RGSL1: variants seen among roughly 807,000 people sequenced by gnomAD.
The protein encoded by RGSL1 is regulator of G protein signaling like 1, also known as regulator of G protein signaling protein-like.
In RGSL1, 97 loss-of-function variants were observed where a neutral mutation model predicts 124.7. That is an observed-to-expected ratio of 0.78 (90% CI 0.66 to 0.92). RGSL1 has a LOEUF of 0.92. RGSL1 is among the 40% of genes least tolerant of loss of function. The pLI, the probability that RGSL1 is intolerant of heterozygous loss-of-function variation, is 0.00. For missense variants in RGSL1, 1,233 were observed against 1,288.4 expected (o/e 0.96, Z 0.66); for synonymous variants, 424 against 438.1 (o/e 0.97, Z 0.40).
At chr1:182,452,139 T>C (rs1198392288) in intron 1 of RGSL1, among the ~76,000 whole-genome samples, 3 of 152,018 alleles carry the variant, frequency 2.0e-5, no homozygotes, top group Admixed American at 6.6e-5. Flanking sequence ...AAGGAGCAGG[T>C]TGGGAGGCCT....
At chr1:182,459,881 C>T (rs919195778) in intron 3 of RGSL1, 123 bp from the exon 4 acceptor site, 1 of 1,190,214 alleles carries the variant, frequency 8.4e-7, no homozygotes, top group African/African-American at 1.6e-5. Flanking sequence ...TTTTAATCAA[C>T]ACACCTATCC....
chr1:182,458,674 T>C (rs371258750), intron 3 of RGSL1, among the ~76,000 whole-genome samples: 4 of 152,110 alleles, frequency 2.6e-5, no homozygotes, highest in East Asian at 1.9e-4. Context: ...AGTTTCACCA[T>C]GTTGCCCAGG....
At chr1:182,525,499 G>A (rs1354698802) in intron 10 of RGSL1, among the ~76,000 whole-genome samples, 1 of 152,008 alleles carries the variant, frequency 6.6e-6, no homozygotes, top group Non-Finnish European at 1.5e-5. Flanking sequence ...TAACTGAAAT[G>A]AAAAATTTAC....
chr1:182,493,191 C>T, intron 9 of RGSL1, 62 bp downstream of exon 9: 1 of 1,149,862 alleles, frequency 8.7e-7, no homozygotes, highest in Non-Finnish European at 1.3e-6. Context: ...AAGAGAAAAT[C>T]TGTAATCTTG....
intron 14 of RGSL1, among the ~76,000 whole-genome samples, chr1:182,538,538 A>C (rs1659692316): frequency 6.6e-6 from 1 of 152,176 alleles, no homozygotes; most frequent in Non-Finnish European, 1.5e-5. Context: ...AAAAAAAAAA[A>C]AAATTCAGCA....
chr1:182,546,579 G>A lies in RGSL1; in HGVS notation c.2670-1738G>A, dbSNP rs149249132. On this transcript the variant is annotated intron_variant, in intron 15 of 21. Coordinates refer to ENST00000294854, the MANE Select transcript of RGSL1 (RefSeq NM_001137669.2). ...CAGCTAATTTTTGTATTTTTAGTAG[G>A]GATGTGGTTTCACCATGTTGGCCAG... is the stretch of plus-strand genomic sequence containing the variant. Among the ~76,000 whole-genome samples, 1,052 of 151,976 alleles carry A rather than the reference G, an allele frequency of 6.9e-3. 14 individuals carry two copies. The highest frequency in any genetic ancestry group is 0.024 in the African/African-American group (994 of 41,460).
In RGSL1 at chr1:182,518,549, A is replaced by G. The variant is rs1267548401; in HGVS notation, c.1826-3455A>G. Among the ~76,000 whole-genome samples the G allele has an allele frequency of 4.6e-5, 7 of 152,306 alleles. No individual in the cohort carries two copies. In the East Asian group the frequency reaches 1.2e-3, roughly 25 times the overall value. Reference sequence around the variant, plus strand: ...CCACTTACCCGCTTTGCCTCTCCTCAGGAACAAATTTCCCTTCAGGCACTC... The same window carrying G: ...CCACTTACCCGCTTTGCCTCTCCTCGGGAACAAATTTCCCTTCAGGCACTC... On this transcript the variant is annotated intron_variant, in intron 9 of 21. Coordinates refer to ENST00000294854, the MANE Select transcript of RGSL1 (RefSeq NM_001137669.2).
intron 9 of RGSL1, among the ~76,000 whole-genome samples, chr1:182,500,228 T>C (rs528949944): frequency 5.4e-4 from 83 of 152,316 alleles, no homozygotes; most frequent in Non-Finnish European, 1.0e-3. Context: ...TCTTTTGTGG[T>C]TGAATAGCCA....
chr1:182,540,880 T>C (rs1000310684), intron 15 of RGSL1, among the ~76,000 whole-genome samples: 1 of 152,210 alleles, frequency 6.6e-6, no homozygotes, highest in Non-Finnish European at 1.5e-5. Flanking sequence ...AAATTTTTTA[T>C]GTAAAGCCAA....
intron 15 of RGSL1, among the ~76,000 whole-genome samples, chr1:182,546,307 G>A (rs556767094): frequency 1.8e-4 from 27 of 151,294 alleles, no homozygotes; most frequent in South Asian, 1.2e-3. Flanking sequence ...AGAATTTAAA[G>A]ATTACTGTGA....
At chr1:182,530,382 A>G (rs1659080466) in intron 12 of RGSL1, 21 bp downstream of exon 12, 1 of 1,529,344 alleles carries the variant, frequency 6.5e-7, no homozygotes, top group Admixed American at 2.0e-5. Context: ...TCAATTAAGG[A>G]AAGGATTCTT....
At chr1:182,528,608 T>C (rs940509335) in intron 11 of RGSL1, among the ~76,000 whole-genome samples, 1 of 152,162 alleles carries the variant, frequency 6.6e-6, no homozygotes, top group Non-Finnish European at 1.5e-5. Context: ...AAGTCCAGAA[T>C]CCAGTAGGGC....
chr1:182,483,548 A>G (rs590026), intron 6 of RGSL1, among the ~76,000 whole-genome samples: 11,914 of 152,246 alleles, frequency 0.078, 643 homozygotes, highest in East Asian at 0.25. Context: ...TCTATGACAT[A>G]CACATAAAAT....
In RGSL1 at chr1:182,489,042, C is replaced by T. The variant is rs777449126; in HGVS notation, c.1557C>T (p.Asn519=). Residue 519 remains asparagine, a synonymous_variant, in exon 8 of 22, where the codon AAC becomes AAT. Transcript: ENST00000294854. ...HKREFIGKEE[N]ILLYKRIQQS... The stretch of plus-strand genomic sequence containing the variant: ...GAGAATTTATAGGCAAAGAAGAGAA[C>T]ATTCTTCTTTATAAGAGGATTCAGC... The T allele has an allele frequency of 2.2e-5, 34 of 1,551,496 alleles. No individual in the cohort carries two copies. The highest frequency in any genetic ancestry group is 2.7e-5 in the African/African-American group (2 of 73,034).
chr1:182,513,002 C>T (rs1016162349), intron 9 of RGSL1, among the ~76,000 whole-genome samples: 4 of 152,172 alleles, frequency 2.6e-5, no homozygotes, highest in Non-Finnish European at 4.4e-5. Context: ...GGGCACAGGA[C>T]GGGGTGGGGC....
At chr1:182,462,939 A>G (rs1652964917) in intron 4 of RGSL1, among the ~76,000 whole-genome samples, 1 of 152,228 alleles carries the variant, frequency 6.6e-6, no homozygotes, top group African/African-American at 2.4e-5. Context: ...GTAACGCAGA[A>G]CAAAAGAGCT....
chr1:182,521,296 C>G (rs1294819426), intron 9 of RGSL1, among the ~76,000 whole-genome samples: 1 of 152,186 alleles, frequency 6.6e-6, no homozygotes, highest in Non-Finnish European at 1.5e-5. Context: ...ATTTTAATCT[C>G]CCAGCCTCAA....
At chr1:182,500,980 C>A (rs1656310329) in intron 9 of RGSL1, among the ~76,000 whole-genome samples, 1 of 152,072 alleles carries the variant, frequency 6.6e-6, no homozygotes, top group Non-Finnish European at 1.5e-5. Flanking sequence ...GGACATTTTT[C>A]TTTTCTTTTC....
intron 13 of RGSL1, among the ~76,000 whole-genome samples, 193 bp from the exon 14 acceptor site, chr1:182,532,469 A>G (rs1460363176): frequency 6.6e-6 from 1 of 152,216 alleles, no homozygotes; most frequent in Non-Finnish European, 1.5e-5. Context: ...CTGACCAGCT[A>G]CTTAATTTCG....
Sources: allele counts gnomAD v4.1 joint callset (sites outside exome capture counted in the v4.1 genomes callset), GRCh38; gene constraint gnomAD v4.1.1; transcripts MANE v1.5; gene names NCBI Gene and HGNC (gene_info 2026-07-23, HGNC 2026-07-21).